Variants in REEP1 observed in about 807,000 individuals in gnomAD.
REEP1 encodes receptor expression-enhancing protein 1.
REEP1 carries 22 observed loss-of-function variants against 40.3 expected under a neutral mutation model. The observed-to-expected ratio is 0.55, with a 90% CI of 0.39 to 0.78. The LOEUF is 0.78. REEP1 is among the 30% of genes least tolerant of loss of function. The probability of loss-of-function intolerance (pLI) is 0.00; values close to 1 mark genes in which losing one functional copy is unlikely to be tolerated. For synonymous variants in REEP1, 116 were observed against 139.2 expected, an observed-to-expected ratio of 0.83 and a Z score of 1.17; for missense variants, 280 against 361.1, an observed-to-expected ratio of 0.78 and a Z score of 1.82.
At chr2:86,330,709 G>C (rs1680727003) in intron 1 of REEP1, among the ~76,000 whole-genome samples, 1 of 151,940 alleles carries the variant, frequency 6.6e-6, no homozygotes, top group Non-Finnish European at 1.5e-5. Context: ...GCCTCCCAAA[G>C]TGCTGGGATT....
chr2:86,255,793 G>A (rs955554590), intron 3 of REEP1, among the ~76,000 whole-genome samples: 1 of 152,186 alleles, frequency 6.6e-6, no homozygotes, highest in African/African-American at 2.4e-5. Flanking sequence ...GAATGTATTA[G>A]AAGAAAACTG....
intron 7 of REEP1, 143 bp downstream of exon 7, chr2:86,227,220 C>G (rs1558871064): frequency 3.6e-6 from 2 of 549,804 alleles, no homozygotes; most frequent in Non-Finnish European, 5.5e-6. Context: ...ACTGTGTTTG[C>G]TGTTATAAAG....
chr2:86,315,851 T>C (rs984714763), intron 1 of REEP1, among the ~76,000 whole-genome samples: 4 of 152,102 alleles, frequency 2.6e-5, no homozygotes, highest in South Asian at 2.1e-4. Context: ...GCCCATGCCA[T>C]AGGGAGTGGC....
At chr2:86,220,184 G>T in intron 7 of REEP1, 63 bp from the exon 8 acceptor site, 1 of 1,162,910 alleles carries the variant, frequency 8.6e-7, no homozygotes, top group South Asian at 4.4e-5. Flanking sequence ...ATCAGTGCAG[G>T]GAGCAGGGAA....
At chr2:86,288,029 A>ATTTTTTTTTTTTTTTT (rs1558916443) in intron 1 of REEP1, among the ~76,000 whole-genome samples, 1 of 148,482 alleles carries the variant, frequency 6.7e-6, no homozygotes, top group Admixed American at 6.6e-5. Flanking sequence ...TTTTATTTTT[A>ATTTTTTTTTTTTTTTT]TTATTTTTTT....
chr2:86,288,404 C>A (rs943501235), intron 1 of REEP1, among the ~76,000 whole-genome samples: 1 of 152,216 alleles, frequency 6.6e-6, no homozygotes, highest in Admixed American at 6.5e-5. Context: ...TGATTTCCCA[C>A]CTCAACCTTC....
intron 1 of REEP1, among the ~76,000 whole-genome samples, chr2:86,310,530 C>T (rs1232592827): frequency 6.6e-6 from 1 of 152,160 alleles, no homozygotes; most frequent in Non-Finnish European, 1.5e-5. Context: ...GTTCTCAGAA[C>T]ATACCCCTAT....
At chr2:86,332,810 A>G (rs924602595) in intron 1 of REEP1, among the ~76,000 whole-genome samples, 4 of 152,090 alleles carry the variant, frequency 2.6e-5, no homozygotes, top group African/African-American at 9.7e-5. Context: ...CCTTGAGGAT[A>G]CTCCTCCTGT....
intron 7 of REEP1, among the ~76,000 whole-genome samples, chr2:86,225,191 G>T (rs1674617804): frequency 6.6e-6 from 1 of 152,184 alleles, no homozygotes; most frequent in Non-Finnish European, 1.5e-5. Context: ...GTCAGAGCTG[G>T]GCTGGGACGC....
chr2:86,228,716 C>A (rs1674855954), intron 6 of REEP1, among the ~76,000 whole-genome samples: 1 of 152,154 alleles, frequency 6.6e-6, no homozygotes, highest in Non-Finnish European at 1.5e-5. Flanking sequence ...CCTTGGCCTC[C>A]CAAAGTGCTG....
intron 3 of REEP1, among the ~76,000 whole-genome samples, chr2:86,255,176 G>A (rs1676487755): frequency 1.3e-5 from 2 of 152,182 alleles, no homozygotes; most frequent in African/African-American, 4.8e-5. Flanking sequence ...CAGGCTCAGA[G>A]GATCTCTTCT....
chr2:86,335,576 C>T (rs1573076499), intron 1 of REEP1, among the ~76,000 whole-genome samples: 1 of 152,068 alleles, frequency 6.6e-6, no homozygotes, highest in Non-Finnish European at 1.5e-5. Context: ...AGGAGCCGGG[C>T]GTGGTAGCTC....
intron 1 of REEP1, among the ~76,000 whole-genome samples, chr2:86,307,118 C>T (rs1420922800): frequency 6.6e-5 from 10 of 151,374 alleles, no homozygotes; most frequent in Non-Finnish European, 1.3e-4. Context: ...GCAGGAGAAT[C>T]GCTTGAACCT....
At chr2:86,246,331 G>A (rs1675953954) in intron 5 of REEP1, among the ~76,000 whole-genome samples, 1 of 152,152 alleles carries the variant, frequency 6.6e-6, no homozygotes, top group Non-Finnish European at 1.5e-5. Context: ...GGGGGAGGAT[G>A]GAGCCATATA....
intron 8 of REEP1, among the ~76,000 whole-genome samples, chr2:86,217,314 A>T (rs1358761147): frequency 2.0e-5 from 3 of 152,196 alleles, no homozygotes; most frequent in African/African-American, 7.2e-5. Context: ...GAGCCCTTTG[A>T]GAGGCTGATG....
At chr2:86,291,790 A>G (rs531780323) in intron 1 of REEP1, among the ~76,000 whole-genome samples, 1 of 152,264 alleles carries the variant, frequency 6.6e-6, no homozygotes, top group Non-Finnish European at 1.5e-5. Context: ...AGGCAGTTGC[A>G]TTACTTATTT....
intron 1 of REEP1, among the ~76,000 whole-genome samples, chr2:86,296,857 CA>C (rs921907238): frequency 6.6e-6 from 1 of 151,600 alleles, no homozygotes; most frequent in African/African-American, 2.4e-5. Context: ...AACTCCGTCT[CA>C]AAAAAGAAAA....
intron 2 of REEP1, among the ~76,000 whole-genome samples, chr2:86,276,301 T>A (rs1410533095): frequency 3.9e-5 from 6 of 152,178 alleles, no homozygotes; most frequent in African/African-American, 1.4e-4. Flanking sequence ...CCTTCCCTCA[T>A]GGAGTGGGCG....
rs533274264 is a variant in REEP1 at position 86,247,556 on chromosome 2, T to TG, written c.417+4400_417+4401insC. On this transcript the variant is annotated intron_variant, in intron 5 of 8. Transcript: ENST00000538924. ...TAAACAAAAATTAATAAGAACTTCC[T>TG]TTTGTTGTTGTTGTTGTTGTTGTTT... Among the ~76,000 whole-genome samples, 90 of 57,436 alleles carry TG rather than the reference T, an allele frequency of 1.6e-3. 1 individual carries two copies. The highest frequency in any genetic ancestry group is 2.8e-3 in the African/African-American group (82 of 29,728). 37.7% of individuals were successfully genotyped at this position (57,436 alleles called of 152,430 possible).
Sources: gnomAD v4.1 joint callset for allele counts (sites outside exome capture counted in the v4.1 genomes callset) on GRCh38, gnomAD v4.1.1 for gene constraint, MANE v1.5 for transcripts, NCBI Gene and HGNC (gene_info 2026-07-23, HGNC 2026-07-21) for gene names.